Variants in HEPACAM2 observed in about 807,000 individuals in gnomAD.
The protein encoded by HEPACAM2 is mitotic kinetics regulator.
In HEPACAM2, 49 loss-of-function variants were observed where a neutral mutation model predicts 49.6. The ratio of observed to expected loss-of-function variants is 0.99; its 90% CI spans 0.78 to 1.25. HEPACAM2 has a LOEUF of 1.25. HEPACAM2 is among the 50% of genes most tolerant of loss of function. The pLI, the probability that HEPACAM2 is intolerant of heterozygous loss-of-function variation, is 0.00. For missense variants in HEPACAM2, 525 were observed against 557.2 expected, an observed-to-expected ratio of 0.94 and a Z score of 0.58; for synonymous variants, 197 against 202.9, an observed-to-expected ratio of 0.97 and a Z score of 0.25.
intron 3 of HEPACAM2, among the ~76,000 whole-genome samples, chr7:93,213,571 G>C (rs1404406123): frequency 6.6e-6 from 1 of 152,022 alleles, no homozygotes; most frequent in Non-Finnish European, 1.5e-5. Context: ...GAATCTAAAA[G>C]GGATATGAAG....
At chr7:93,217,003 T>C (rs1249472109) in intron 2 of HEPACAM2, among the ~76,000 whole-genome samples, 1 of 152,102 alleles carries the variant, frequency 6.6e-6, no homozygotes, top group East Asian at 1.9e-4. Context: ...AAAGGTAACT[T>C]ATGGGGGAGT....
At chr7:93,224,398 T>A (rs1361999195) in intron 1 of HEPACAM2, among the ~76,000 whole-genome samples, 1 of 152,174 alleles carries the variant, frequency 6.6e-6, no homozygotes, top group African/African-American at 2.4e-5. Context: ...ACTATTACTT[T>A]CTGAGTATAA....
At position 93,197,525 on chromosome 7, in the gene HEPACAM2, C is replaced by T. The variant is rs746844961; in HGVS notation, c.1098G>A (p.Met366Ile). 1 of 1,594,760 alleles carries T rather than the reference C, an allele frequency of 6.3e-7. No individual in the cohort carries two copies. Among genetic ancestry groups the T allele is most frequent in the South Asian group, 1.1e-5 (1 of 89,716 alleles). ...ATTTTTTCCATAGGAAGAGAAGACA[C>T]ATGGATATAATCAAAAATAGTGATA... Reference protein sequence around the residue: ...TGISLFLIISMCLLFLWKKYQ... With the variant: ...TGISLFLIISICLLFLWKKYQ... Residue 366 changes from methionine (M) to isoleucine (I), a missense_variant, in exon 5 of 10, where the codon ATG becomes ATA. Met to Ile is a conservative substitution (Grantham distance 10). Transcript: ENST00000394468.
intron 9 of HEPACAM2, among the ~76,000 whole-genome samples, chr7:93,191,157 G>T (rs1229391016): frequency 6.6e-6 from 1 of 151,880 alleles, no homozygotes; most frequent in African/African-American, 2.4e-5. Context: ...AAAATATCAT[G>T]TAATAATATC....
At chr7:93,204,324 C>CTCTA (rs67856013) in intron 4 of HEPACAM2, among the ~76,000 whole-genome samples, 11,377 of 147,566 alleles carry the variant, frequency 0.077, 447 homozygotes, top group East Asian at 0.1. Context: ...CATAAACATT[C>CTCTA]TCTATCTATC....
At chr7:93,207,408 T>C (rs10253704) in intron 4 of HEPACAM2, among the ~76,000 whole-genome samples, 10 of 150,842 alleles carry the variant, frequency 6.6e-5, no homozygotes, top group African/African-American at 2.0e-4. Flanking sequence ...TTAGCAGTAG[T>C]AGAAGTAGTC....
In HEPACAM2 at chr7:93,219,165, C is replaced by T. The variant is rs770008772; in HGVS notation, c.366G>A (p.Val122=). The T allele has an allele frequency of 1.4e-5, 23 of 1,613,852 alleles. No individual in the cohort carries two copies. The East Asian group carries it at 1.6e-4, about 11-fold the overall frequency. The change falls in exon 2 of 10, where the codon GTG becomes GTA. Residue 122 remains valine (V), a synonymous_variant. Coordinates refer to ENST00000394468, the MANE Select transcript of HEPACAM2 (RefSeq NM_001039372.4). The part of the protein sequence containing the change: ...LQFPDEGNYI[V]KVNIQGNGTL... The stretch of plus-strand genomic sequence containing the variant: ...TTCCATTTCCCTGAATGTTGACCTT[C>T]ACGATGTAATTGCCTTCATCAGGGA...
At chr7:93,216,100 G>C (rs925282209) in intron 2 of HEPACAM2, among the ~76,000 whole-genome samples, 2 of 152,154 alleles carry the variant, frequency 1.3e-5, no homozygotes, top group African/African-American at 4.8e-5. Flanking sequence ...AGCTGGTTGG[G>C]ATGGATGTGG....
At chr7:93,212,810 A>G (rs1302305600) in intron 3 of HEPACAM2, among the ~76,000 whole-genome samples, 1 of 152,076 alleles carries the variant, frequency 6.6e-6, no homozygotes, top group East Asian at 1.9e-4. Context: ...CTAGTACATT[A>G]TTCGAGTGAA....
Position 93,197,413 on chromosome 7 carries a change from A to C in HEPACAM2, c.1139-16T>G, listed in dbSNP as rs749340710. 66 of 1,590,088 alleles carry C rather than the reference A, an allele frequency of 4.2e-5. No individual in the cohort carries two copies. Among genetic ancestry groups the C allele is most frequent in the Non-Finnish European group, 5.6e-5 (65 of 1,169,276 alleles). Reference sequence around the variant, plus strand: ...TGTTTTATAACTAAAATCAAGAGAGAAGAAAAATGGTAAGGTTTTTTTTAG... The same window carrying C: ...TGTTTTATAACTAAAATCAAGAGAGCAGAAAAATGGTAAGGTTTTTTTTAG... On this transcript the variant is annotated splice_polypyrimidine_tract_variant and intron_variant, in intron 5 of 9. Coordinates refer to ENST00000394468, the MANE Select transcript of HEPACAM2 (RefSeq NM_001039372.4).
Position 93,208,794 on chromosome 7 carries a change from G to C in HEPACAM2, c.798C>G (p.Ile266Met), listed in dbSNP as rs1562828445. The change falls in exon 4 of 10, where the codon ATC becomes ATG. Residue 266 changes from isoleucine (I) to methionine (M), a missense_variant. By Grantham distance (10) the Ile-to-Met change is conservative. Coordinates refer to ENST00000394468, the MANE Select transcript of HEPACAM2 (RefSeq NM_001039372.4). ...GAGAATCAGCAGAACAATCAAATAGGATGGCCTCTCCAAGGTCAACAGTAA... is the reference window on the plus strand; with the variant it reads ...GAGAATCAGCAGAACAATCAAATAGCATGGCCTCTCCAAGGTCAACAGTAA... ...EVFTVDLGEA[I>M]LFDCSADSHP... is the part of the protein sequence containing the mutation. 1 of 1,612,932 alleles carries C rather than the reference G, an allele frequency of 6.2e-7. No homozygotes were observed. The highest frequency in any genetic ancestry group is 1.3e-5 in the African/African-American group (1 of 74,926).
intron 2 of HEPACAM2, among the ~76,000 whole-genome samples, chr7:93,216,328 A>G (rs1186874645): frequency 6.6e-6 from 1 of 152,210 alleles, no homozygotes; most frequent in Non-Finnish European, 1.5e-5. Context: ...ACACTGACTC[A>G]GTCTGAAAAT....
chr7:93,197,756 A>C, intron 4 of HEPACAM2, 146 bp from the exon 5 acceptor site: 1 of 562,712 alleles, frequency 1.8e-6, no homozygotes, highest in Non-Finnish European at 3.1e-6. Flanking sequence ...AGAGAGACCA[A>C]ATGGAAGGAA....
intron 5 of HEPACAM2, 31 bp downstream of exon 5, chr7:93,197,454 C>A: frequency 6.3e-7 from 1 of 1,579,780 alleles, no homozygotes. Context: ...ATATATACAG[C>A]TTCAATTTTT....
chr7:93,189,258 C>A lies in HEPACAM2; in HGVS notation c.*9G>T. The A allele has an allele frequency of 6.3e-7, 1 of 1,595,276 alleles. No homozygotes were observed. Reference sequence around the variant, plus strand: ...TTTCACTCGAATGTACTGTTTAGCCCATGAAAGTTCACCTAGTGAAGAGAT... The same window carrying A: ...TTTCACTCGAATGTACTGTTTAGCCAATGAAAGTTCACCTAGTGAAGAGAT... On this transcript the variant is annotated 3_prime_UTR_variant, in exon 10 of 10. Transcript: ENST00000394468.
At position 93,219,386 on chromosome 7, in the gene HEPACAM2, G is replaced by A. The variant is rs772419396; in HGVS notation, c.145C>T (p.Leu49Phe). ...AAGCCATAGTGGACGGGTAGGTAGA[G>A]GGCCTGACCTCTGACGCCATGGACA... ...HTVHGVRGQALYLPVHYGFHT... is the reference protein window; with the variant it reads ...HTVHGVRGQAFYLPVHYGFHT... The change falls in exon 2 of 10, where the codon CTC (leucine) becomes TTC (phenylalanine). Residue 49 changes from leucine (L) to phenylalanine (F), a missense_variant. Physicochemically the swap from Leu to Phe is conservative, Grantham distance 22. Coordinates refer to ENST00000394468, the MANE Select transcript of HEPACAM2 (RefSeq NM_001039372.4). 1.9e-6 allele frequency: 3 copies of A among 1,613,880 alleles called. No homozygotes were observed. The South Asian group carries it at 3.3e-5, about 18-fold the overall frequency.
intron 4 of HEPACAM2, among the ~76,000 whole-genome samples, chr7:93,207,020 T>C (rs1232703774): frequency 6.6e-6 from 1 of 152,090 alleles, no homozygotes; most frequent in African/African-American, 2.4e-5. Flanking sequence ...ACCTGAAAGA[T>C]CCTGATCCAA....
intron 1 of HEPACAM2, among the ~76,000 whole-genome samples, chr7:93,222,516 T>C (rs1794469955): frequency 1.3e-5 from 2 of 152,240 alleles, no homozygotes; most frequent in Middle Eastern, 3.4e-3. Context: ...TGCAAATAGC[T>C]CTAAAATAAT....
At chr7:93,194,836 C>T (rs1793646596) in intron 8 of HEPACAM2, among the ~76,000 whole-genome samples, 1 of 148,330 alleles carries the variant, frequency 6.7e-6, no homozygotes, top group South Asian at 2.2e-4. Flanking sequence ...TGGTTCTATA[C>T]AAATCTATAA....
Sources: gnomAD v4.1 joint callset for allele counts (sites outside exome capture counted in the v4.1 genomes callset) on GRCh38, gnomAD v4.1.1 for gene constraint, MANE v1.5 for transcripts, NCBI Gene and HGNC (gene_info 2026-07-23, HGNC 2026-07-21) for gene names.